Variants in LIMCH1 observed in about 807,000 individuals in gnomAD.
LIMCH1 encodes LIM and calponin homology domains 1, also known as LIM and calponin homology domains-containing protein 1.
Under a neutral mutation model 176.5 loss-of-function variants are expected in LIMCH1, and 113 were observed. That is an observed-to-expected ratio of 0.64 (90% confidence interval 0.55 to 0.75). LIMCH1 has a LOEUF of 0.75. Ranked by LOEUF, LIMCH1 falls within the 30% of genes least tolerant of loss-of-function variation. The pLI is 0.00. For missense variants in LIMCH1, 1,674 were observed against 1,814.9 expected (o/e 0.92, Z 1.41); for synonymous variants, 619 against 645.9 (o/e 0.96, Z 0.63).
intron 2 of LIMCH1, among the ~76,000 whole-genome samples, chr4:41,498,716 A>T (rs531697837): frequency 7.9e-5 from 12 of 152,324 alleles, no homozygotes; most frequent in African/African-American, 2.9e-4. Flanking sequence ...CCCAGGTTGG[A>T]GTCATTAGCA....
At chr4:41,366,658 A>G (rs2053039782) in intron 1 of LIMCH1, among the ~76,000 whole-genome samples, 1 of 150,914 alleles carries the variant, frequency 6.6e-6, no homozygotes, top group Non-Finnish European at 1.5e-5. Context: ...ATATAGGGGA[A>G]AAATAGTTCT....
At chr4:41,494,322 T>C (rs1033878197) in intron 1 of LIMCH1, among the ~76,000 whole-genome samples, 5 of 149,360 alleles carry the variant, frequency 3.3e-5, no homozygotes, top group African/African-American at 1.2e-4. Flanking sequence ...TATACACACA[T>C]ACATATATAT....
At chr4:41,612,855 T>TC in intron 4 of LIMCH1, 2 of 1,253,516 alleles carry the variant, frequency 1.6e-6, no homozygotes, top group Non-Finnish European at 1.1e-6. Flanking sequence ...GCCTTTCTTT[T>TC]TTTTTTTTTT....
rs79143324 is a variant in LIMCH1, at chr4:41,421,421, C to G, written c.96+60485C>G. Among the ~76,000 whole-genome samples the G allele has an allele frequency of 1.5e-4, 23 of 152,266 alleles. 1 individual carries two copies. The East Asian group carries it at 4.2e-3, about 28-fold the overall frequency. ...GATTCTAAGTCTAGTAATCTTCCTA[C>G]TTTTTCTTATGTTTAACAGTTATTG... On this transcript the variant is annotated intron_variant, in intron 1 of 26. Coordinates refer to the LIMCH1 transcript ENST00000313860.
At chr4:41,633,496 A>G in intron 12 of LIMCH1, 52 bp from the exon 13 acceptor site, 2 of 1,521,974 alleles carry the variant, frequency 1.3e-6, no homozygotes, top group Non-Finnish European at 1.8e-6. Context: ...ACTACTGAAA[A>G]TATCTTTAGC....
intron 1 of LIMCH1, among the ~76,000 whole-genome samples, chr4:41,395,206 A>G (rs1352893058): frequency 1.3e-5 from 2 of 150,932 alleles, no homozygotes; most frequent in Admixed American, 1.3e-4. Flanking sequence ...GATTTTCTTC[A>G]TCAGCTAGAC....
intron 1 of LIMCH1, among the ~76,000 whole-genome samples, chr4:41,440,779 T>C (rs557828787): frequency 2.3e-4 from 35 of 152,316 alleles, no homozygotes; most frequent in Non-Finnish European, 3.8e-4. Flanking sequence ...GTGATCCACC[T>C]GCCTCTGCCT....
intron 1 of LIMCH1, among the ~76,000 whole-genome samples, chr4:41,469,916 G>A (rs1350071647): frequency 6.6e-6 from 1 of 152,074 alleles, no homozygotes; most frequent in African/African-American, 2.4e-5. Flanking sequence ...TCCTGATCTC[G>A]TGATCTGCCT....
At chr4:41,597,635 G>T (rs2089149100) in intron 1 of LIMCH1, among the ~76,000 whole-genome samples, 1 of 152,100 alleles carries the variant, frequency 6.6e-6, no homozygotes, top group Non-Finnish European at 1.5e-5. Flanking sequence ...AAGCTCATGT[G>T]GTTGTTAACA....
At chr4:41,575,810 C>T (rs2084372414) in intron 1 of LIMCH1, among the ~76,000 whole-genome samples, 1 of 152,192 alleles carries the variant, frequency 6.6e-6, no homozygotes, top group African/African-American at 2.4e-5. Context: ...CAGATACTCC[C>T]AGCCTGTTGA....
chr4:41,360,026 G>GGGGTGTGTGT (rs1272581302), upstream of LIMCH1, among the ~76,000 whole-genome samples: 13 of 145,774 alleles, frequency 8.9e-5, no homozygotes, highest in Admixed American at 2.7e-4. The surrounding 1 kb of genome is among the most constrained non-coding windows in gnomAD (Gnocchi z 4.5). Context: ...GGGTGTGTAG[G>GGGGTGTGTGT]GTGTGTGTGT....
chr4:41,649,653 C>G (rs748267454), intron 17 of LIMCH1, among the ~76,000 whole-genome samples: 34 of 152,172 alleles, frequency 2.2e-4, no homozygotes, highest in Non-Finnish European at 4.1e-4. Context: ...CTGCACAGCT[C>G]CCTCTCAAAA....
At chr4:41,564,351 C>G (rs558619271) in intron 1 of LIMCH1, among the ~76,000 whole-genome samples, 3 of 151,986 alleles carry the variant, frequency 2.0e-5, no homozygotes, top group Non-Finnish European at 4.4e-5. Context: ...TCCTGGTTCC[C>G]GTGAAAGCAT....
At chr4:41,512,073 A>T in intron 2 of LIMCH1, among the ~76,000 whole-genome samples, 1 of 152,218 alleles carries the variant, frequency 6.6e-6, no homozygotes, top group Non-Finnish European at 1.5e-5. Context: ...AAGATAACCC[A>T]ATTTAAAAAT....
intron 28 of LIMCH1, among the ~76,000 whole-genome samples, chr4:41,687,303 T>C (rs543281461): frequency 9.8e-5 from 15 of 152,326 alleles, no homozygotes; most frequent in Non-Finnish European, 1.6e-4. Flanking sequence ...ATATCAGTTG[T>C]TACATGTTTT....
chr4:41,447,352 T>C (rs1231089480), intron 1 of LIMCH1, among the ~76,000 whole-genome samples: 3 of 152,242 alleles, frequency 2.0e-5, no homozygotes, highest in Non-Finnish European at 4.4e-5. Flanking sequence ...GGTTAAATAC[T>C]GATATCTGCT....
At position 41,588,042 on chromosome 4, in the gene LIMCH1, G is replaced by A. The variant is rs767451214; in HGVS notation, c.-240-10878G>A. Among the ~76,000 whole-genome samples, 25 of 151,864 alleles carry A rather than the reference G, an allele frequency of 1.6e-4. 1 individual carries two copies. The highest frequency in any genetic ancestry group is 3.7e-4 in the Non-Finnish European group (25 of 67,994). On this transcript the variant is annotated intron_variant, in intron 1 of 31. Coordinates refer to ENST00000503057, the MANE Select transcript of LIMCH1 (RefSeq NM_001330672.2). Reference sequence around the variant, plus strand: ...GCTGGTGTGCTGCGCCCATTAACTCGTCAATTAGCATTAGGTATATCTCCT... The same window carrying A: ...GCTGGTGTGCTGCGCCCATTAACTCATCAATTAGCATTAGGTATATCTCCT...
intron 1 of LIMCH1, among the ~76,000 whole-genome samples, chr4:41,419,681 CTCCT>C (rs765992303): frequency 0.15 from 8,144 of 55,700 alleles, 690 homozygotes; most frequent in East Asian, 0.21. Flanking sequence ...TCCTTCCTTC[CTCCT>C]TCCTTCCTTC....
chr4:41,688,182 T>C (rs1722467015), intron 29 of LIMCH1, among the ~76,000 whole-genome samples: 1 of 152,218 alleles, frequency 6.6e-6, no homozygotes, highest in Admixed American at 6.5e-5. Flanking sequence ...GAACCTCCAA[T>C]CTAATAATAA....
Sources: gnomAD v4.1 joint callset for allele counts (sites outside exome capture counted in the v4.1 genomes callset) on GRCh38, gnomAD v4.1.1 for gene constraint, Gnocchi (gnomAD v3.1) non-coding constraint, MANE v1.5 for transcripts, NCBI Gene and HGNC (gene_info 2026-07-23, HGNC 2026-07-21) for gene names.